RNF213: variants seen among roughly 807,000 people sequenced by gnomAD.
RNF213 encodes ring finger protein 213.
A neutral mutation model predicts 514.4 loss-of-function variants in RNF213; 341 were observed. That is an observed-to-expected ratio of 0.66 (90% CI 0.61 to 0.73). The LOEUF (loss-of-function observed/expected upper bound fraction) is 0.73, where lower values mean the gene tolerates loss of function less well. Among genes scored for constraint, RNF213 ranks in the 30% least tolerant of loss-of-function variants. RNF213 has a pLI of 0.00. For missense variants in RNF213, 5,767 were observed against 6,615.6 expected (o/e 0.87, Z 4.45); for synonymous variants, 2,655 against 2,658.2 (o/e 1.00, Z 0.04).
intron 11 of RNF213, among the ~76,000 whole-genome samples, chr17:80,301,570 A>G (rs2045180604): frequency 2.0e-5 from 3 of 152,220 alleles, no homozygotes; most frequent in Admixed American, 2.0e-4. Context: ...AATTAGGGAA[A>G]TGCAAATCAA....
chr17:80,321,808 C>T (rs1450882680), intron 17 of RNF213, among the ~76,000 whole-genome samples: 1 of 152,204 alleles, frequency 6.6e-6, no homozygotes, highest in Non-Finnish European at 1.5e-5. Flanking sequence ...ACTGCGACAC[C>T]TCCACCTCCT....
intron 3 of RNF213, among the ~76,000 whole-genome samples, chr17:80,279,626 G>A (rs1307867574): frequency 3.3e-5 from 5 of 151,820 alleles, no homozygotes; most frequent in African/African-American, 4.8e-5. Context: ...CACCACGCCC[G>A]GCTACTTTTT....
At chr17:80,352,555 A>T in intron 32 of RNF213, 1 of 547,098 alleles carries the variant, frequency 1.8e-6, no homozygotes, top group Non-Finnish European at 3.2e-6. Context: ...ACAGGAAAGT[A>T]AGTTTACTTG....
At chr17:80,261,132 G>T (rs1351618348) in intron 1 of RNF213, among the ~76,000 whole-genome samples, 2 of 151,922 alleles carry the variant, frequency 1.3e-5, no homozygotes, top group Non-Finnish European at 2.9e-5. Flanking sequence ...GTCGGGGTGG[G>T]GGCAGCGGGC....
In RNF213 at chr17:80,351,692, G is replaced by C. The variant is rs752572099; in HGVS notation, c.10192G>C (p.Val3398Leu). Residue 3398 changes from valine to leucine, a missense_variant, in exon 32 of 68, where the codon GTT becomes CTT. This residue lies in a region of RNF213 where 919 missense variants were observed against 1,121.0 expected (regional missense o/e 0.82). Transcript: ENST00000582970. ...AQLIASAKYS[V>L]INEINKIREN... The stretch of plus-strand genomic sequence containing the variant: ...TTTTTTTTCTTTAAATAGGTATTCT[G>C]TTATAAATGAAATCAACAAAATACG... The C allele has an allele frequency of 2.6e-6, 4 of 1,524,332 alleles. No homozygotes were observed. Among genetic ancestry groups the C allele is most frequent in the Non-Finnish European group, 3.6e-6 (4 of 1,100,242 alleles). The allele number at this position is 1,524,332 out of a possible 1,614,324, so 94.4% of individuals were successfully genotyped here.
chr17:80,292,608 T>G (rs1444770734), intron 8 of RNF213, among the ~76,000 whole-genome samples: 2 of 151,698 alleles, frequency 1.3e-5, no homozygotes, highest in Non-Finnish European at 2.9e-5. Flanking sequence ...CCTCTGCCCA[T>G]CTGTCAATAG....
In RNF213 at chr17:80,369,565, G is replaced by A. The variant is rs1479064193; in HGVS notation, c.12219G>A (p.Val4073=). ...GCAACAGTTTCTTCGTAGACCTGGT[G>A]TCCACCATTTGCTTCAAGGACAACG... ...QMCNSFFVDL[V]STICFKDNAP... Residue 4073 remains valine (V), a synonymous_variant, in exon 45 of 68, where the codon GTG becomes GTA. Coordinates refer to ENST00000582970, the MANE Select transcript of RNF213 (RefSeq NM_001256071.3). The A allele has an allele frequency of 6.2e-7, 1 of 1,614,250 alleles. No individual in the cohort carries two copies. The highest frequency in any genetic ancestry group is 2.2e-5 in the East Asian group (1 of 44,886).
chr17:80,329,950 T>C (rs2046370120), intron 20 of RNF213, among the ~76,000 whole-genome samples: 1 of 152,230 alleles, frequency 6.6e-6, no homozygotes, highest in African/African-American at 2.4e-5. Flanking sequence ...TTTTCTTCTC[T>C]TGCTGGAATT....
rs1313415858 is a variant in RNF213, at chr17:80,347,754, G to C, written c.9419G>C (p.Cys3140Ser). Residue 3140 changes from cysteine (C) to serine (S), a missense_variant, in exon 29 of 68, where the codon TGT becomes TCT. By Grantham distance (112) the Cys-to-Ser change is moderately radical. Coordinates refer to ENST00000582970, the MANE Select transcript of RNF213 (RefSeq NM_001256071.3). This position sits in a 1 kb window ranked among gnomAD's most constrained non-coding sequence, Gnocchi z 7.2. ...GGTCTGGGGACCCACCGCGTCAAAT[G>C]TCGGGTTCACCCCAACTTCCGCCTG... ...DLGLGTHRVK[C>S]RVHPNFRLIV... 1 of 1,614,070 alleles carries C rather than the reference G, an allele frequency of 6.2e-7. No individual in the cohort carries two copies. The highest frequency in any genetic ancestry group is 1.3e-5 in the African/African-American group (1 of 74,952).
intron 14 of RNF213, among the ~76,000 whole-genome samples, chr17:80,311,071 A>G (rs943301453): frequency 1.3e-5 from 2 of 152,224 alleles, no homozygotes; most frequent in African/African-American, 4.8e-5. Context: ...AACTGTGTTT[A>G]AGGAATTTGT....
chr17:80,320,531 G>A (rs1277416664), intron 17 of RNF213: 1 of 152,128 alleles, frequency 6.6e-6, no homozygotes, highest in Non-Finnish European at 1.5e-5. Flanking sequence ...ATTGTTTAAA[G>A]AACAATGTGC....
intron 28 of RNF213, among the ~76,000 whole-genome samples, chr17:80,344,242 C>T (rs547239582): frequency 2.6e-5 from 4 of 152,218 alleles, no homozygotes; most frequent in African/African-American, 9.6e-5. Flanking sequence ...TATTTCTGTT[C>T]AATTCAGGCT....
At chr17:80,298,638 C>G in intron 11 of RNF213, 120 bp downstream of exon 11, 1 of 1,038,630 alleles carries the variant, frequency 9.6e-7, no homozygotes, top group Non-Finnish European at 1.5e-6. Context: ...ACAGAACTAA[C>G]ACACGCTCTT....
At position 80,345,286 on chromosome 17, in the gene RNF213, C is replaced by T; in HGVS notation, c.6951C>T (p.Phe2317=). 4 of 1,614,164 alleles carry T rather than the reference C, an allele frequency of 2.5e-6. No homozygotes were observed. The highest frequency in any genetic ancestry group is 1.3e-5 in the African/African-American group (1 of 75,052). Residue 2317 remains phenylalanine, a synonymous_variant, in exon 29 of 68, where the codon TTC becomes TTT. Coordinates refer to ENST00000582970, the MANE Select transcript of RNF213 (RefSeq NM_001256071.3). The surrounding 1 kb of genome is among the most constrained non-coding windows in gnomAD (Gnocchi z 6.0). ...FFNDDHTTMT[F]IGFHLQPNIN... is the part of the protein sequence containing the mutation. ...ATGACGACCACACAACCATGACATT[C>T]ATCGGCTTCCATCTGCAGCCCAACA...
At position 80,377,137 on chromosome 17, in the gene RNF213, C is replaced by T; in HGVS notation, c.13510+174C>T. The stretch of plus-strand genomic sequence containing the variant: ...GACGAATGGCTTGAAGGAGCTGGCA[C>T]TCCGCCGGCTAGATGATCCAAACCA... On this transcript the variant is annotated intron_variant, in intron 53 of 67. Coordinates refer to ENST00000582970, the MANE Select transcript of RNF213 (RefSeq NM_001256071.3). This position sits in a 1 kb window ranked among gnomAD's most constrained non-coding sequence, Gnocchi z 4.1. The T allele has an allele frequency of 1.6e-6, 1 of 643,470 alleles. No homozygotes were observed. Among genetic ancestry groups the T allele is most frequent in the Non-Finnish European group, 2.8e-6 (1 of 355,432 alleles). The allele number at this position is 643,470 out of a possible 1,614,324, so 39.9% of individuals were successfully genotyped here. A position where few individuals can be genotyped will look rare whatever the true frequency, so the allele number is the denominator to read the frequency against.
At chr17:80,322,162 T>TCCCCC (rs1568070291) in intron 17 of RNF213, among the ~76,000 whole-genome samples, 1 of 87,816 alleles carries the variant, frequency 1.1e-5, no homozygotes, top group African/African-American at 4.5e-5. Context: ...CACCCCCCCT[T>TCCCCC]TTTTTTTTTT....
At chr17:80,374,685 C>T in intron 50 of RNF213, 96 bp downstream of exon 50, 2 of 1,442,774 alleles carry the variant, frequency 1.4e-6, no homozygotes, top group Non-Finnish European at 1.9e-6. Flanking sequence ...GGTGATGGAC[C>T]ACTGATGCAG....
At chr17:80,368,714 T>C (rs1472311305) in intron 44 of RNF213, among the ~76,000 whole-genome samples, 1 of 152,208 alleles carries the variant, frequency 6.6e-6, no homozygotes, top group Non-Finnish European at 1.5e-5. Context: ...ATTACAGGCA[T>C]GAGTGACCAC....
At chr17:80,359,858 GAAAC>G (rs1371181403) in intron 37 of RNF213, among the ~76,000 whole-genome samples, 199 bp from the exon 38 acceptor site, 1 of 152,168 alleles carries the variant, frequency 6.6e-6, no homozygotes, top group Non-Finnish European at 1.5e-5. Context: ...TTTTGCCTGT[GAAAC>G]AAAGATTGCA....
Sources: gnomAD v4.1 joint callset for allele counts (sites outside exome capture counted in the v4.1 genomes callset) on GRCh38, gnomAD v4.1.1 for gene constraint, gnomAD v4.1.1 regional missense constraint, Gnocchi (gnomAD v3.1) non-coding constraint, MANE v1.5 for transcripts, NCBI Gene and HGNC (gene_info 2026-07-23, HGNC 2026-07-21) for gene names.